VWF: variants seen among roughly 807,000 people sequenced by gnomAD.
VWF encodes von Willebrand factor, also known as Factor VIII related antigen.
VWF carries 176 observed loss-of-function variants against 308.6 expected under a neutral mutation model. The observed-to-expected ratio is 0.57, with a 90% CI of 0.50 to 0.65. VWF has a LOEUF of 0.65. VWF is among the 30% of genes least tolerant of loss of function. The probability of loss-of-function intolerance (pLI) is 0.00; values close to 1 mark genes in which losing one functional copy is unlikely to be tolerated. For synonymous variants in VWF, 1,385 were observed against 1,443.4 expected (o/e 0.96, Z 0.92); for missense variants, 3,146 against 3,648.2 (o/e 0.86, Z 3.55).
intron 15 of VWF, among the ~76,000 whole-genome samples, chr12:6,055,162 G>A (rs117237579): frequency 1.3e-5 from 2 of 152,308 alleles, no homozygotes; most frequent in East Asian, 1.9e-4. Context: ...GTTCAGTGGA[G>A]GTTAAGAATG....
intron 20 of VWF, among the ~76,000 whole-genome samples, chr12:6,032,462 A>ACC (rs1205853732): frequency 6.7e-6 from 1 of 149,008 alleles, no homozygotes; most frequent in Non-Finnish European, 1.5e-5. Context: ...ACACGGTGAA[A>ACC]CCCCGTCTCT....
chr12:6,057,009 G>A lies in VWF; in HGVS notation c.1793C>T (p.Ala598Val). 1.3e-6 allele frequency: 2 copies of A among 1,549,496 alleles called. No homozygotes were observed. Among genetic ancestry groups the A allele is most frequent in the South Asian group, 1.2e-5 (1 of 84,640 alleles). ...CCGCAGGTAGGGCAGCGGGCTGACGGCACGATGGCAGGCCTCGAATGTGGG... is the reference window on the plus strand; with the variant it reads ...CCGCAGGTAGGGCAGCGGGCTGACGACACGATGGCAGGCCTCGAATGTGGG... ...TSPTFEACHR[A>V]VSPLPYLRNC... Residue 598 changes from alanine (A) to valine (V), a missense_variant, in exon 15 of 52, where the codon GCC (alanine) becomes GTC (valine). Around this residue, in one of 3 missense-constraint regions of VWF, gnomAD observed 1,304 missense variants for 1,353.0 expected, o/e 0.96. Transcript: ENST00000261405.
chr12:6,118,608 A>C (rs1945395233), intron 3 of VWF, among the ~76,000 whole-genome samples: 1 of 151,396 alleles, frequency 6.6e-6, no homozygotes. Flanking sequence ...GCTGGTCTCG[A>C]TCTCCCAACC....
chr12:5,993,997 C>T lies in VWF; in HGVS notation c.6463G>A (p.Ala2155Thr), dbSNP rs368419568. The change falls in exon 37 of 52, where the codon GCT (alanine) becomes ACT (threonine). Residue 2155 changes from alanine (A) to threonine (T), a missense_variant. Coordinates refer to ENST00000261405, the MANE Select transcript of VWF (RefSeq NM_000552.5). ...PLFAECHKVL[A>T]PATFYAICQQ... ...CAGATGGCATAGAATGTGGCTGGAGCCAGGACCTTGTGGCATTCAGCAAAC... is the reference window on the plus strand; with the variant it reads ...CAGATGGCATAGAATGTGGCTGGAGTCAGGACCTTGTGGCATTCAGCAAAC... 9 of 1,614,042 alleles carry T rather than the reference C, an allele frequency of 5.6e-6. No individual in the cohort carries two copies. The African/African-American group carries it at 1.2e-4, about 22-fold the overall frequency.
intron 18 of VWF, among the ~76,000 whole-genome samples, chr12:6,043,769 C>T (rs371162362): frequency 8.5e-5 from 13 of 152,214 alleles, no homozygotes; most frequent in African/African-American, 2.9e-4. Flanking sequence ...CAAGACCTCA[C>T]GACTCACATT....
At chr12:5,957,407 C>G (rs1943263781) in intron 47 of VWF, among the ~76,000 whole-genome samples, 1 of 152,020 alleles carries the variant, frequency 6.6e-6, no homozygotes, top group African/African-American at 2.4e-5. Context: ...ATCAGAAAAT[C>G]AACCCACAAA....
intron 19 of VWF, 142 bp downstream of exon 19, chr12:6,036,246 A>G (rs978474874): frequency 1.4e-6 from 1 of 724,574 alleles, no homozygotes; most frequent in Non-Finnish European, 2.5e-6. Context: ...CAGATGGAGA[A>G]ACACAGGCAC....
intron 3 of VWF, among the ~76,000 whole-genome samples, chr12:6,113,592 C>T (rs535178797): frequency 6.6e-6 from 1 of 152,314 alleles, no homozygotes; most frequent in Admixed American, 6.5e-5. Flanking sequence ...CCGTGCCCTG[C>T]AAAGTAACTT....
At chr12:6,123,277 G>A in intron 1 of VWF, 81 bp from the exon 2 acceptor site, 2 of 1,491,582 alleles carry the variant, frequency 1.3e-6, no homozygotes, top group Non-Finnish European at 1.9e-6. Flanking sequence ...AGGGCATGCA[G>A]TAGCAAAAAC....
intron 20 of VWF, 32 bp downstream of exon 20, chr12:6,034,656 C>T (rs374726621): frequency 6.2e-7 from 1 of 1,613,282 alleles, no homozygotes; most frequent in South Asian, 1.1e-5. Context: ...TAGAAAGAAA[C>T]AGCACCCTCT....
chr12:6,070,973 G>A (rs1186971913), intron 10 of VWF, among the ~76,000 whole-genome samples: 1 of 152,208 alleles, frequency 6.6e-6, no homozygotes, highest in Non-Finnish European at 1.5e-5. Context: ...TATCCTCTTT[G>A]TTTAGTCAAT....
Position 6,025,605 on chromosome 12 carries a change from T to C in VWF, c.3197A>G (p.Asp1066Gly). 5 of 1,495,336 alleles carry C rather than the reference T, an allele frequency of 3.3e-6. No individual in the cohort carries two copies. Among genetic ancestry groups the C allele is most frequent in the Non-Finnish European group, 4.7e-6 (5 of 1,074,786 alleles). The allele number at this position is 1,495,336 out of a possible 1,614,324, so 92.6% of individuals were successfully genotyped here. ...VDSSCRILTS[D>G]VFQDCNKLVD... ...CAGCTTGTTGCAGTCCTGGAAGACG[T>C]CACTGGTAAGGATTCTACAGGAGGA... The change falls in exon 24 of 52, where the codon GAC (aspartate) becomes GGC (glycine). Residue 1066 changes from aspartate (D) to glycine (G), a missense_variant. Physicochemically the swap from Asp to Gly is moderately conservative, Grantham distance 94. This residue lies in a region of VWF where 853 missense variants were observed against 1,177.8 expected (regional missense o/e 0.72). Coordinates refer to ENST00000261405, the MANE Select transcript of VWF (RefSeq NM_000552.5).
chr12:5,993,171 A>G (rs1943764097), intron 37 of VWF, among the ~76,000 whole-genome samples: 1 of 152,220 alleles, frequency 6.6e-6, no homozygotes, highest in Admixed American at 6.5e-5. Context: ...TTTCCCTCAA[A>G]AAAATAGTCG....
At chr12:6,003,854 T>G (rs572779414) in intron 34 of VWF, among the ~76,000 whole-genome samples, 1 of 148,728 alleles carries the variant, frequency 6.7e-6, no homozygotes, top group East Asian at 2.0e-4. Flanking sequence ...CTCGCTCTGT[T>G]GCCCAGGCTG....
intron 34 of VWF, among the ~76,000 whole-genome samples, chr12:6,007,423 T>C (rs1188639528): frequency 6.6e-6 from 1 of 152,154 alleles, no homozygotes; most frequent in Non-Finnish European, 1.5e-5. Context: ...AGAGAAATAA[T>C]TTCAGAAAGT....
chr12:6,060,823 T>C lies in VWF; in HGVS notation c.1533+2131A>G, dbSNP rs1297178705. On this transcript the variant is annotated intron_variant, in intron 13 of 51. Transcript: ENST00000261405. The surrounding 1 kb of genome is among the most constrained non-coding windows in gnomAD (Gnocchi z 5.1). Reference sequence around the variant, plus strand: ...GGGGAGGAAGGGCAGCTGCCCAGGATGAGAAGTTACGGCCCTGCTGATCAA... The same window carrying C: ...GGGGAGGAAGGGCAGCTGCCCAGGACGAGAAGTTACGGCCCTGCTGATCAA... 6.6e-6 allele frequency among the ~76,000 whole-genome samples: 1 copy of C among 152,006 alleles called. No individual in the cohort carries two copies. The highest frequency in any genetic ancestry group is 1.5e-5 in the Non-Finnish European group (1 of 68,006).
At chr12:5,993,548 T>C (rs1339340920) in intron 37 of VWF, among the ~76,000 whole-genome samples, 3 of 151,910 alleles carry the variant, frequency 2.0e-5, no homozygotes, top group Non-Finnish European at 2.9e-5. Flanking sequence ...GTCTGAACTA[T>C]AGAAATACTA....
Position 6,060,053 on chromosome 12 carries a change from T to C in VWF, c.1534-2009A>G, listed in dbSNP as rs980132. Among the ~76,000 whole-genome samples the C allele has an allele frequency of 0.087, 13,215 of 151,112 alleles. 631 individuals are homozygous for C. Among genetic ancestry groups the C allele is most frequent in the African/African-American group, 0.13 (5,147 of 41,120 alleles). ...CATGTCCCACTCTAAAACCAGGTCT[T>C]CTCCCATCCCCTTGGCTTGTCTCGG... On this transcript the variant is annotated intron_variant, in intron 13 of 51. Coordinates refer to ENST00000261405, the MANE Select transcript of VWF (RefSeq NM_000552.5). The surrounding 1 kb of genome is among the most constrained non-coding windows in gnomAD (Gnocchi z 5.1).
At chr12:6,100,790 C>T (rs1565389812) in intron 5 of VWF, among the ~76,000 whole-genome samples, 1 of 151,950 alleles carries the variant, frequency 6.6e-6, no homozygotes, top group African/African-American at 2.4e-5. Flanking sequence ...ATACCTAATG[C>T]TAAATGACGA....
Sources: allele counts gnomAD v4.1 joint callset (sites outside exome capture counted in the v4.1 genomes callset), GRCh38; gene constraint gnomAD v4.1.1; regional missense constraint gnomAD v4.1.1; non-coding constraint Gnocchi (gnomAD v3.1); transcripts MANE v1.5; gene names NCBI Gene and HGNC (gene_info 2026-07-23, HGNC 2026-07-21).